Variants in SEL1L3 observed in about 807,000 individuals in gnomAD.
SEL1L3 encodes SEL1L family member 3.
In SEL1L3, 76 loss-of-function variants were observed where a neutral mutation model predicts 142.8. The observed-to-expected ratio is 0.53, with a 90% confidence interval of 0.44 to 0.64. SEL1L3 has a LOEUF of 0.64. SEL1L3 is among the 30% of genes least tolerant of loss of function. SEL1L3 has a pLI of 0.00. For synonymous variants in SEL1L3, 504 were observed against 519.6 expected (o/e 0.97, Z 0.41); for missense variants, 1,262 against 1,381.7 (o/e 0.91, Z 1.37).
intron 12 of SEL1L3, among the ~76,000 whole-genome samples, chr4:25,789,919 C>T (rs965505986): frequency 2.6e-5 from 4 of 152,320 alleles, no homozygotes; most frequent in Non-Finnish European, 4.4e-5. Flanking sequence ...AAGAGATGTT[C>T]AAGAGACAAG....
At chr4:25,785,859 C>T (rs1210575444) in intron 13 of SEL1L3, among the ~76,000 whole-genome samples, 1 of 152,000 alleles carries the variant, frequency 6.6e-6, no homozygotes, top group East Asian at 1.9e-4. Context: ...AAACGGGGGC[C>T]CAGAGCAGTT....
chr4:25,797,373 C>T (rs570804132), intron 11 of SEL1L3, among the ~76,000 whole-genome samples: 92 of 152,232 alleles, frequency 6.0e-4, no homozygotes, highest in Middle Eastern at 3.4e-3. Context: ...CTGGCAGAAC[C>T]GCCACGAGGA....
In SEL1L3 at chr4:25,788,488, A is replaced by G. The variant is rs1712026016; in HGVS notation, c.2077-124T>C. On this transcript the variant is annotated intron_variant, in intron 12 of 23. Transcript: ENST00000399878. The surrounding 1 kb of genome is among the most constrained non-coding windows in gnomAD (Gnocchi z 5.3). ...AGATTGAGAACCAAGGATTAGATAC[A>G]CTTTATCTTCCAACTGGAGGCCAGA... 2.0e-6 allele frequency: 2 copies of G among 1,000,618 alleles called. No homozygotes were observed. The highest frequency in any genetic ancestry group is 1.6e-5 in the African/African-American group (1 of 61,826). 62.0% of individuals were successfully genotyped at this position (1,000,618 alleles called of 1,614,324 possible). A position where few individuals can be genotyped will look rare whatever the true frequency, so the allele number is the denominator to read the frequency against.
chr4:25,782,410 A>G lies in SEL1L3; in HGVS notation c.2289T>C (p.His763=), dbSNP rs754383486. Residue 763 remains histidine, a synonymous_variant, in exon 15 of 24, where the codon CAT becomes CAC. Coordinates refer to ENST00000399878, the MANE Select transcript of SEL1L3 (RefSeq NM_015187.5). The stretch of plus-strand genomic sequence containing the variant: ...ACCATCCCAGGCCATTGACTGCCTG[A>G]TGCAATCCCTGAATTTTGGAACAAG... ...LMKKAASKGL[H]QAVNGLGWYY... is the part of the protein sequence containing the mutation. The G allele has an allele frequency of 6.2e-7, 1 of 1,611,612 alleles. No homozygotes were observed. The highest frequency in any genetic ancestry group is 1.7e-5 in the Admixed American group (1 of 59,344).
chr4:25,802,266 T>A lies in SEL1L3; in HGVS notation c.1956+17A>T, dbSNP rs1217995626. 1 of 1,600,550 alleles carries A rather than the reference T, an allele frequency of 6.2e-7. No homozygotes were observed. The highest frequency in any genetic ancestry group is 8.5e-7 in the Non-Finnish European group (1 of 1,171,998). On this transcript the variant is annotated intron_variant, in intron 11 of 23. Transcript: ENST00000399878. ...AACAGGGCCATAACCATTCCCAACCTTTTTTCTCTCTCATACCTGATCTCC... is the reference window on the plus strand; with the variant it reads ...AACAGGGCCATAACCATTCCCAACCATTTTTCTCTCTCATACCTGATCTCC...
chr4:25,749,077 G>C (rs971494395), intron 23 of SEL1L3, among the ~76,000 whole-genome samples: 1 of 152,196 alleles, frequency 6.6e-6, no homozygotes, highest in South Asian at 2.1e-4. Flanking sequence ...CAGCAGTCAG[G>C]AGAACTGGGT....
chr4:25,858,535 T>C (rs1378572050), intron 1 of SEL1L3, among the ~76,000 whole-genome samples: 1 of 152,074 alleles, frequency 6.6e-6, no homozygotes. Context: ...ATCTGTTCTG[T>C]TTTTTTGTTG....
intron 2 of SEL1L3, among the ~76,000 whole-genome samples, chr4:25,846,408 A>G (rs1222112033): frequency 6.6e-6 from 1 of 152,206 alleles, no homozygotes; most frequent in Non-Finnish European, 1.5e-5. Flanking sequence ...TTTAGTCCTC[A>G]CAGCACTGCT....
At chr4:25,797,086 GAAGA>G (rs1712815798) in intron 11 of SEL1L3, among the ~76,000 whole-genome samples, 1 of 150,004 alleles carries the variant, frequency 6.7e-6, no homozygotes, top group Non-Finnish European at 1.5e-5. Flanking sequence ...GAAAGGAAGA[GAAGA>G]AAGAAAGGAA....
At chr4:25,745,583 T>C (rs1300075111), downstream of SEL1L3, among the ~76,000 whole-genome samples, 1 of 152,118 alleles carries the variant, frequency 6.6e-6, no homozygotes, top group African/African-American at 2.4e-5. Context: ...GTGATTTTGC[T>C]CCCAAGGAGG....
the SEL1L3 span, among the ~76,000 whole-genome samples, chr4:25,730,716 G>T: frequency 6.6e-6 from 1 of 152,018 alleles, no homozygotes; most frequent in Non-Finnish European, 1.5e-5. Context: ...CCCCACTTCC[G>T]GCTTTCATGG....
intron 17 of SEL1L3, among the ~76,000 whole-genome samples, chr4:25,775,671 G>T (rs1419214383): frequency 6.6e-6 from 1 of 152,140 alleles, no homozygotes; most frequent in Admixed American, 6.5e-5. Context: ...CAGCAAACAG[G>T]GAACATTTGT....
chr4:25,763,359 T>A (rs1257394149), intron 20 of SEL1L3, among the ~76,000 whole-genome samples: 1 of 152,094 alleles, frequency 6.6e-6, no homozygotes. Flanking sequence ...ACACTGAACA[T>A]CTCATTTAAT....
chr4:25,776,400 C>A lies in SEL1L3; in HGVS notation c.2586-40G>T, dbSNP rs767361918. 19 of 1,357,518 alleles carry A rather than the reference C, an allele frequency of 1.4e-5. No individual in the cohort carries two copies. The Admixed American group carries it at 3.1e-4, about 22-fold the overall frequency. The allele number at this position is 1,357,518 out of a possible 1,614,324, so 84.1% of individuals were successfully genotyped here. On this transcript the variant is annotated intron_variant, in intron 16 of 23. Coordinates refer to ENST00000399878, the MANE Select transcript of SEL1L3 (RefSeq NM_015187.5). ...GGAAGAGAAAATACGCAAACCATGG[C>A]AAATTTAATAAAATGTTTTTCTTCA...
intron 1 of SEL1L3, among the ~76,000 whole-genome samples, chr4:25,851,240 T>C (rs1256180958): frequency 6.6e-6 from 1 of 152,140 alleles, no homozygotes; most frequent in Non-Finnish European, 1.5e-5. Context: ...TTCTAGTAGA[T>C]TTACAGAGTT....
chr4:25,806,986 T>C (rs940536469), intron 9 of SEL1L3, among the ~76,000 whole-genome samples: 4 of 152,204 alleles, frequency 2.6e-5, no homozygotes, highest in African/African-American at 4.8e-5. Context: ...TTGGCACTCT[T>C]CCTTCGTATA....
rs148911697 is a variant in SEL1L3 at position 25,782,450 on chromosome 4, T to G, written c.2281-32A>C. The G allele has an allele frequency of 1.9e-4, 311 of 1,595,124 alleles. 1 individual carries two copies. The East Asian group carries it at 6.4e-3, about 33-fold the overall frequency. ...TTTGGAACAAGAAAGAAATTAACTT[T>G]AGAAAAATGAAATCTAGAGAGCTCT... On this transcript the variant is annotated intron_variant, in intron 14 of 23. Transcript: ENST00000399878.
chr4:25,778,020 C>A, intron 16 of SEL1L3: 1 of 320,708 alleles, frequency 3.1e-6, no homozygotes. Flanking sequence ...TGGAGCCATA[C>A]AAAACAGGTA....
At chr4:25,740,470 C>T in the SEL1L3 span, among the ~76,000 whole-genome samples, 1 of 151,524 alleles carries the variant, frequency 6.6e-6, no homozygotes. Flanking sequence ...AGCTTTCTTA[C>T]TGGTGCATGG....
Sources: allele counts gnomAD v4.1 joint callset (sites outside exome capture counted in the v4.1 genomes callset), GRCh38; gene constraint gnomAD v4.1.1; non-coding constraint Gnocchi (gnomAD v3.1); transcripts MANE v1.5; gene names NCBI Gene and HGNC (gene_info 2026-07-23, HGNC 2026-07-21).